Variants in TRAPPC9 observed in about 807,000 individuals in gnomAD.
TRAPPC9 encodes the protein IKK2 binding protein.
A neutral mutation model predicts 124.0 loss-of-function variants in TRAPPC9; 83 were observed. The ratio of observed to expected loss-of-function variants is 0.67; its 90% confidence interval spans 0.56 to 0.80. TRAPPC9 has a LOEUF of 0.80. Ranked by LOEUF, TRAPPC9 falls within the 30% of genes least tolerant of loss-of-function variation. The pLI is 0.00. For synonymous variants in TRAPPC9, 638 were observed against 617.5 expected, an observed-to-expected ratio of 1.03 and a Z score of -0.49; for missense variants, 1,302 against 1,508.3, an observed-to-expected ratio of 0.86 and a Z score of 2.27.
chr8:140,278,665 G>C (rs2065203636), intron 14 of TRAPPC9, among the ~76,000 whole-genome samples: 1 of 152,140 alleles, frequency 6.6e-6, no homozygotes, highest in Admixed American at 6.5e-5. Flanking sequence ...GAGAGGGCCG[G>C]ACAACGCAAT....
chr8:140,072,283 T>C (rs1324378961), intron 17 of TRAPPC9, among the ~76,000 whole-genome samples: 4 of 152,172 alleles, frequency 2.6e-5, no homozygotes, highest in Non-Finnish European at 5.9e-5. Flanking sequence ...GCCGTAATCC[T>C]AGCACTTTGG....
rs116410493 is a variant in TRAPPC9, at chr8:140,251,525, T to C, written c.2431+1252A>G. Reference sequence around the variant, plus strand: ...AATATTTTACCAAATACCAGCACTATACAAGAAGCTCATGCTGACTATTTG... The same window carrying C: ...AATATTTTACCAAATACCAGCACTACACAAGAAGCTCATGCTGACTATTTG... On this transcript the variant is annotated intron_variant, in intron 16 of 22. Transcript: ENST00000438773. Among the ~76,000 whole-genome samples the C allele has an allele frequency of 2.8e-3, 421 of 152,368 alleles. 1 individual carries two copies. Among genetic ancestry groups the C allele is most frequent in the African/African-American group, 9.3e-3 (387 of 41,590 alleles).
chr8:139,918,789 CT>C (rs1194747140), intron 19 of TRAPPC9, among the ~76,000 whole-genome samples: 1 of 152,204 alleles, frequency 6.6e-6, no homozygotes, highest in African/African-American at 2.4e-5. Flanking sequence ...TGGAATTCAC[CT>C]AATGCCACTG....
intron 21 of TRAPPC9, among the ~76,000 whole-genome samples, chr8:139,836,374 G>A (rs1034073801): frequency 2.6e-5 from 4 of 152,210 alleles, no homozygotes; most frequent in Non-Finnish European, 4.4e-5. Context: ...ACCGATCCTG[G>A]TTCTGACCCT....
intron 17 of TRAPPC9, among the ~76,000 whole-genome samples, chr8:140,220,492 CT>C (rs2063313570): frequency 6.6e-6 from 1 of 152,242 alleles, no homozygotes; most frequent in African/African-American, 2.4e-5. Context: ...CAACCCCCTT[CT>C]TTACTGCAGA....
chr8:140,219,660 C>T (rs2063288399), intron 17 of TRAPPC9, among the ~76,000 whole-genome samples: 1 of 152,194 alleles, frequency 6.6e-6, no homozygotes, highest in African/African-American at 2.4e-5. Flanking sequence ...CGTGTGGCTT[C>T]CTGCTGTCAT....
At chr8:140,332,011 T>TA (rs1253929287) in intron 9 of TRAPPC9, among the ~76,000 whole-genome samples, 5 of 152,142 alleles carry the variant, frequency 3.3e-5, no homozygotes, top group African/African-American at 1.2e-4. Flanking sequence ...GTCAAAGAGA[T>TA]ACCTGCACTC....
chr8:140,418,041 T>G (rs1394771631), intron 5 of TRAPPC9, among the ~76,000 whole-genome samples: 1 of 152,016 alleles, frequency 6.6e-6, no homozygotes, highest in Non-Finnish European at 1.5e-5. Flanking sequence ...GAGGGGAACA[T>G]CACACACCAG....
At chr8:139,831,846 C>A (rs1419397945) in intron 21 of TRAPPC9, among the ~76,000 whole-genome samples, 2 of 152,236 alleles carry the variant, frequency 1.3e-5, no homozygotes. Flanking sequence ...GTAGGGAGAG[C>A]GGAAGGCTGC....
chr8:140,025,236 C>T (rs1304673736), intron 17 of TRAPPC9, among the ~76,000 whole-genome samples: 2 of 152,216 alleles, frequency 1.3e-5, no homozygotes, highest in Non-Finnish European at 2.9e-5. Flanking sequence ...ACTGAAGGAC[C>T]CTGCCTTCCC....
At chr8:140,050,265 T>G (rs1401425718) in intron 17 of TRAPPC9, among the ~76,000 whole-genome samples, 1 of 152,218 alleles carries the variant, frequency 6.6e-6, no homozygotes, top group Non-Finnish European at 1.5e-5. Flanking sequence ...TCATTTGAAC[T>G]TCCCTTTAAC....
intron 17 of TRAPPC9, among the ~76,000 whole-genome samples, chr8:140,052,355 G>A (rs986269998): frequency 6.6e-6 from 1 of 152,188 alleles, no homozygotes; most frequent in Non-Finnish European, 1.5e-5. Context: ...TGATAGTAAT[G>A]GCCGGGCATG....
At chr8:139,846,936 A>T (rs1827125324) in intron 21 of TRAPPC9, among the ~76,000 whole-genome samples, 1 of 152,276 alleles carries the variant, frequency 6.6e-6, no homozygotes, top group East Asian at 1.9e-4. Context: ...AAATCCATTA[A>T]CAAGCTCTTG....
intron 9 of TRAPPC9, among the ~76,000 whole-genome samples, chr8:140,356,887 G>A (rs886823630): frequency 6.6e-6 from 1 of 152,152 alleles, no homozygotes; most frequent in Non-Finnish European, 1.5e-5. Context: ...TGGGATTACA[G>A]GAGTGAGCCA....
chr8:140,335,581 A>C (rs2067012438), intron 9 of TRAPPC9, among the ~76,000 whole-genome samples: 1 of 152,152 alleles, frequency 6.6e-6, no homozygotes, highest in Non-Finnish European at 1.5e-5. Flanking sequence ...TCCAGCCTTC[A>C]TTGGGAAACT....
At chr8:140,391,769 G>A (rs1045789257) in intron 7 of TRAPPC9, among the ~76,000 whole-genome samples, 1 of 150,944 alleles carries the variant, frequency 6.6e-6, no homozygotes, top group Admixed American at 6.6e-5. Flanking sequence ...GCTCACGCCT[G>A]TAATCCCAGC....
At chr8:139,987,906 G>A (rs376868053) in intron 19 of TRAPPC9, among the ~76,000 whole-genome samples, 2 of 152,114 alleles carry the variant, frequency 1.3e-5, no homozygotes, top group East Asian at 1.9e-4. Flanking sequence ...ACTCACCTCT[G>A]CCGGGCCAGG....
chr8:140,288,509 A>G (rs2065554640), intron 12 of TRAPPC9, among the ~76,000 whole-genome samples: 1 of 152,188 alleles, frequency 6.6e-6, no homozygotes, highest in Non-Finnish European at 1.5e-5. Context: ...CATGATTGGA[A>G]GCAGTACAGG....
chr8:140,143,032 A>G (rs1431085858), intron 17 of TRAPPC9, among the ~76,000 whole-genome samples: 2 of 152,218 alleles, frequency 1.3e-5, no homozygotes, highest in Non-Finnish European at 2.9e-5. Context: ...GGATAAAAGC[A>G]GCTGTTAGTG....
Sources: gnomAD v4.1 joint callset for allele counts (sites outside exome capture counted in the v4.1 genomes callset) on GRCh38, gnomAD v4.1.1 for gene constraint, MANE v1.5 for transcripts, NCBI Gene and HGNC (gene_info 2026-07-23, HGNC 2026-07-21) for gene names.